TRIO: variants seen among roughly 807,000 people sequenced by gnomAD.
The protein encoded by TRIO is triple functional domain protein.
In TRIO, 58 loss-of-function variants were observed where a neutral mutation model predicts 351.9. The ratio of observed to expected loss-of-function variants is 0.16; its 90% CI spans 0.13 to 0.21. The LOEUF is 0.21. Ranked by LOEUF, TRIO falls within the 10% of genes least tolerant of loss-of-function variation. TRIO has a pLI of 1.00. For synonymous variants in TRIO, 1,758 were observed against 1,595.7 expected (o/e 1.10, Z -2.42); for missense variants, 3,201 against 4,027.8 (o/e 0.79, Z 5.56).
intron 15 of TRIO, among the ~76,000 whole-genome samples, chr5:14,365,734 C>CA (rs1305947254): frequency 6.6e-6 from 1 of 152,152 alleles, no homozygotes; most frequent in Non-Finnish European, 1.5e-5. Flanking sequence ...CCGCATGTGA[C>CA]AAGTCAGAAT....
chr5:14,281,437 G>A (rs1823008), intron 3 of TRIO, among the ~76,000 whole-genome samples: 30 of 67,180 alleles, frequency 4.5e-4, no homozygotes, highest in Admixed American at 2.3e-3. Flanking sequence ...CCCCCCCCCC[G>A]CCCCGTGATC....
intron 1 of TRIO, among the ~76,000 whole-genome samples, chr5:14,207,496 C>CACACACA (rs1791605741): frequency 2.9e-5 from 1 of 34,202 alleles, no homozygotes; most frequent in Non-Finnish European, 6.0e-5. Context: ...ACACACACAG[C>CACACACA]CAGGTAGCAT....
At chr5:14,175,939 T>C (rs1021283275) in intron 1 of TRIO, among the ~76,000 whole-genome samples, 1 of 152,220 alleles carries the variant, frequency 6.6e-6, no homozygotes, top group South Asian at 2.1e-4. Context: ...GTGAAGAATA[T>C]CTGAAGGTTA....
rs181125271 is a variant in TRIO, at chr5:14,349,708, T to C, written c.2047-8470T>C. On this transcript the variant is annotated intron_variant, in intron 11 of 56. Coordinates refer to ENST00000344204, the MANE Select transcript of TRIO (RefSeq NM_007118.4). ...CATTTAATATAAACCAAAATCCGTC[T>C]TTTAAAAAAATGTTTATTTTTAACT... is the stretch of plus-strand genomic sequence containing the variant. Among the ~76,000 whole-genome samples the C allele has an allele frequency of 1.3e-3, 202 of 151,960 alleles. 1 individual carries two copies. Among genetic ancestry groups the C allele is most frequent in the South Asian group, 3.1e-3 (15 of 4,830 alleles).
intron 23 of TRIO, among the ~76,000 whole-genome samples, chr5:14,388,386 T>C (rs1481369767): frequency 1.3e-5 from 2 of 152,200 alleles, no homozygotes; most frequent in Non-Finnish European, 2.9e-5. Context: ...CAGTGCCAGG[T>C]TGAGAAACCC....
intron 34 of TRIO, among the ~76,000 whole-genome samples, chr5:14,425,639 T>A (rs1750579519): frequency 6.6e-6 from 1 of 152,206 alleles, no homozygotes; most frequent in Admixed American, 6.5e-5. Flanking sequence ...AATCCGTATG[T>A]TGAAATCTAA....
intron 1 of TRIO, among the ~76,000 whole-genome samples, chr5:14,172,586 G>A (rs1789160992): frequency 6.6e-6 from 1 of 152,204 alleles, no homozygotes; most frequent in Admixed American, 6.5e-5. Flanking sequence ...AACACATTTG[G>A]TCACAATAAC....
chr5:14,411,991 C>G (rs1347006136), intron 33 of TRIO, among the ~76,000 whole-genome samples: 1 of 138,054 alleles, frequency 7.2e-6, no homozygotes, highest in African/African-American at 2.7e-5. Context: ...TTCTTTCTTT[C>G]TTTTTTTTTT....
At chr5:14,488,491 C>G in intron 48 of TRIO, 1 of 590,796 alleles carries the variant, frequency 1.7e-6, no homozygotes, top group Non-Finnish European at 2.9e-6. Flanking sequence ...TTAACCTTCT[C>G]AACGCAGCGT....
intron 40 of TRIO, among the ~76,000 whole-genome samples, chr5:14,475,325 C>G (rs914302958): frequency 6.9e-6 from 1 of 144,288 alleles, no homozygotes; most frequent in South Asian, 2.3e-4. Context: ...TCATCACCTC[C>G]AAAGCTCTGG....
intron 33 of TRIO, among the ~76,000 whole-genome samples, chr5:14,414,415 T>A (rs1579586301): frequency 1.3e-5 from 2 of 152,222 alleles, no homozygotes; most frequent in African/African-American, 4.8e-5. Flanking sequence ...AGTATTTCAT[T>A]CCAATTCATG....
chr5:14,367,096 A>T, intron 16 of TRIO, 117 bp downstream of exon 16: 1 of 1,414,160 alleles, frequency 7.1e-7, no homozygotes, highest in Non-Finnish European at 9.4e-7. Flanking sequence ...GGTAAAGACG[A>T]CTCAGAGGAC....
In TRIO at chr5:14,502,671, C is replaced by A. The variant is rs755867468; in HGVS notation, c.8411+14C>A. On this transcript the variant is annotated intron_variant, in intron 54 of 56. Coordinates refer to ENST00000344204, the MANE Select transcript of TRIO (RefSeq NM_007118.4). ...TGAGCTTGGCAGGTATGATGCACAA[C>A]CCAGAACGCCTTCCGAAAGAGCAGA... The A allele has an allele frequency of 6.2e-7, 1 of 1,613,760 alleles. No homozygotes were observed.
In TRIO at chr5:14,197,154, G is replaced by A. The variant is rs1011264124; in HGVS notation, c.157+53272G>A. On this transcript the variant is annotated intron_variant, in intron 1 of 56. Transcript: ENST00000344204. ...AGAAGAAAAAAATCTACTTGGGCAC[G>A]ACTAAGTGCTATCTGTAGATTGCCA... Among the ~76,000 whole-genome samples, 33 of 152,192 alleles carry A rather than the reference G, an allele frequency of 2.2e-4. 1 individual carries two copies. Among genetic ancestry groups the A allele is most frequent in the Admixed American group, 1.8e-3 (27 of 15,274 alleles).
chr5:14,341,641 A>G (rs1345144065), intron 11 of TRIO, among the ~76,000 whole-genome samples: 3 of 152,246 alleles, frequency 2.0e-5, no homozygotes, highest in Admixed American at 6.5e-5. Context: ...TCATTCATTC[A>G]TATTCATTCA....
At chr5:14,207,012 G>C (rs1290528738) in intron 1 of TRIO, among the ~76,000 whole-genome samples, 2 of 152,114 alleles carry the variant, frequency 1.3e-5, no homozygotes, top group African/African-American at 4.8e-5. Flanking sequence ...ACTTAGGAGA[G>C]AATCTTTGTG....
At chr5:14,427,790 C>G (rs1184824133) in intron 34 of TRIO, among the ~76,000 whole-genome samples, 1 of 152,164 alleles carries the variant, frequency 6.6e-6, no homozygotes, top group Non-Finnish European at 1.5e-5. Context: ...AGCCTGGGTG[C>G]CTTTTTGGTG....
intron 31 of TRIO, among the ~76,000 whole-genome samples, chr5:14,405,088 TAAA>T (rs3214756): frequency 1.3e-4 from 18 of 138,118 alleles, no homozygotes; most frequent in Admixed American, 5.1e-4. Flanking sequence ...GAGGCAGAGT[TAAA>T]AAAAAAAAAA....
intron 38 of TRIO, 125 bp from the exon 39 acceptor site, chr5:14,472,466 CT>C: frequency 9.9e-7 from 1 of 1,011,936 alleles, no homozygotes; most frequent in Non-Finnish European, 1.4e-6. Flanking sequence ...AATTTAACAC[CT>C]AAATGTACAA....
Sources: gnomAD v4.1 joint callset for allele counts (sites outside exome capture counted in the v4.1 genomes callset) on GRCh38, gnomAD v4.1.1 for gene constraint, MANE v1.5 for transcripts, NCBI Gene and HGNC (gene_info 2026-07-23, HGNC 2026-07-21) for gene names.